CAMTA1: variants seen among roughly 807,000 people sequenced by gnomAD.
CAMTA1 encodes the protein calmodulin binding transcription activator 1.
A neutral mutation model predicts 170.9 loss-of-function variants in CAMTA1; 27 were observed. That is an observed-to-expected ratio of 0.16 (90% CI 0.12 to 0.22). The LOEUF (loss-of-function observed/expected upper bound fraction) is 0.22, where lower values mean the gene tolerates loss of function less well. Among genes scored for constraint, CAMTA1 ranks in the 10% least tolerant of loss-of-function variants. CAMTA1 has a pLI of 1.00. For missense variants in CAMTA1, 1,619 were observed against 2,217.2 expected, an observed-to-expected ratio of 0.73 and a Z score of 5.42; for synonymous variants, 833 against 891.5, an observed-to-expected ratio of 0.93 and a Z score of 1.17.
At chr1:6,825,719 A>T (rs1343135321) in intron 3 of CAMTA1, among the ~76,000 whole-genome samples, 1 of 152,244 alleles carries the variant, frequency 6.6e-6, no homozygotes, top group East Asian at 1.9e-4. Context: ...AAGGCTGTAC[A>T]GTAGATTATG....
intron 4 of CAMTA1, among the ~76,000 whole-genome samples, chr1:7,158,986 G>A (rs553585752): frequency 1.3e-5 from 2 of 152,026 alleles, no homozygotes; most frequent in South Asian, 4.2e-4. Flanking sequence ...GTGGGGTAAT[G>A]GGTCTTCTTT....
chr1:6,964,464 T>A (rs1691167183), intron 3 of CAMTA1, among the ~76,000 whole-genome samples: 1 of 152,132 alleles, frequency 6.6e-6, no homozygotes, highest in South Asian at 2.1e-4. Flanking sequence ...TGTGCCTAGG[T>A]CCCACCTTTT....
chr1:7,044,705 G>A lies in CAMTA1; in HGVS notation c.235-46599G>A, dbSNP rs749185322. 3.5e-5 allele frequency among the ~76,000 whole-genome samples: 4 copies of A among 113,272 alleles called. No homozygotes were observed. The highest frequency in any genetic ancestry group is 5.3e-5 in the Non-Finnish European group (3 of 56,826). The allele number at this position is 113,272 out of a possible 152,430, so 74.3% of individuals were successfully genotyped here. A position where few individuals can be genotyped will look rare whatever the true frequency, so the allele number is the denominator to read the frequency against. ...CTCCCCTCTCTGGGCGACCTTCCGA[G>A]GAGGCATCAGCTCTTCCCTTGCTTT... is the stretch of plus-strand genomic sequence containing the variant. On this transcript the variant is annotated intron_variant, in intron 3 of 22. Transcript: ENST00000303635. This position sits in a 1 kb window ranked among gnomAD's most constrained non-coding sequence, Gnocchi z 5.0.
At chr1:6,808,783 C>A (rs1432087836) in intron 1 of CAMTA1, among the ~76,000 whole-genome samples, 5 of 152,102 alleles carry the variant, frequency 3.3e-5, no homozygotes, top group Non-Finnish European at 7.4e-5. Context: ...GGGAGAAAAT[C>A]ACTTCTGGCA....
chr1:7,484,818 T>G (rs988083879), intron 6 of CAMTA1, among the ~76,000 whole-genome samples: 1 of 151,504 alleles, frequency 6.6e-6, no homozygotes, highest in African/African-American at 2.4e-5. Context: ...GCTGTTGTCA[T>G]GACCGTTGTG....
At chr1:6,924,355 G>C (rs1335910159) in intron 3 of CAMTA1, among the ~76,000 whole-genome samples, 1 of 152,046 alleles carries the variant, frequency 6.6e-6, no homozygotes, top group African/African-American at 2.4e-5. Context: ...AGCTGGGAGG[G>C]GGTCAGGCCA....
At chr1:7,125,255 A>G (rs9434848) in intron 4 of CAMTA1, among the ~76,000 whole-genome samples, 36,863 of 151,972 alleles carry the variant, frequency 0.24, 4,557 homozygotes, top group South Asian at 0.28. Context: ...GGGGGACACT[A>G]GAAGTTCAAA....
chr1:6,999,716 A>G (rs1372482823), intron 3 of CAMTA1, among the ~76,000 whole-genome samples: 1 of 151,600 alleles, frequency 6.6e-6, no homozygotes, highest in Non-Finnish European at 1.5e-5. Context: ...ATGTTTGGTT[A>G]TTTTTCCCTG....
At chr1:7,745,739 C>T (rs1275518793) in intron 17 of CAMTA1, 106 bp from the exon 18 acceptor site, 28 of 1,386,698 alleles carry the variant, frequency 2.0e-5, no homozygotes, top group Non-Finnish European at 2.8e-5. Context: ...TTCCTAATTG[C>T]CCACAGTGGC....
At chr1:7,180,358 CAA>C (rs35903883) in intron 4 of CAMTA1, among the ~76,000 whole-genome samples, 35 of 142,954 alleles carry the variant, frequency 2.4e-4, no homozygotes, top group South Asian at 4.4e-4. Flanking sequence ...AACTACATCT[CAA>C]AAAAAAAAAA....
chr1:7,511,594 C>T (rs1459435656), intron 6 of CAMTA1, among the ~76,000 whole-genome samples: 1 of 152,112 alleles, frequency 6.6e-6, no homozygotes, highest in Admixed American at 6.5e-5. Flanking sequence ...TTCCCCACAT[C>T]CCGGGGTCCA....
intron 6 of CAMTA1, among the ~76,000 whole-genome samples, chr1:7,474,409 G>C (rs1238580800): frequency 6.7e-6 from 1 of 148,604 alleles, no homozygotes; most frequent in East Asian, 2.0e-4. Flanking sequence ...ATGGAATACA[G>C]AGGCTGTTGG....
chr1:7,140,972 G>A (rs184351250), intron 4 of CAMTA1, among the ~76,000 whole-genome samples: 2 of 152,226 alleles, frequency 1.3e-5, no homozygotes, highest in East Asian at 3.9e-4. Context: ...CTTCCTTTCT[G>A]TCTACCGACA....
Position 7,583,820 on chromosome 1 carries a change from TAGA to T in CAMTA1, c.511-56577_511-56575del, listed in dbSNP as rs561186136. Among the ~76,000 whole-genome samples the T allele has an allele frequency of 2.3e-4, 35 of 152,250 alleles. No homozygotes were observed. The East Asian group carries it at 6.8e-3, about 29-fold the overall frequency. On this transcript the variant is annotated intron_variant, in intron 6 of 22. Coordinates refer to ENST00000303635, the MANE Select transcript of CAMTA1 (RefSeq NM_015215.4). ...CACGGTGAGTGGGTGTCCAGCCACT[TAGA>T]AGGTGCCGTCTCCCGGGAGGTAGAC...
At chr1:6,988,519 C>G (rs1171683615) in intron 3 of CAMTA1, among the ~76,000 whole-genome samples, 1 of 152,078 alleles carries the variant, frequency 6.6e-6, no homozygotes, top group Non-Finnish European at 1.5e-5. Flanking sequence ...AACTACAAGT[C>G]CCTGAATGGA....
At chr1:7,264,744 G>C (rs546315861) in intron 5 of CAMTA1, among the ~76,000 whole-genome samples, 98 of 152,172 alleles carry the variant, frequency 6.4e-4, no homozygotes, top group Admixed American at 9.8e-4. Flanking sequence ...CAATATTTTG[G>C]CTTATGGATC....
intron 4 of CAMTA1, among the ~76,000 whole-genome samples, chr1:7,231,531 C>G (rs905826784): frequency 2.0e-5 from 3 of 152,104 alleles, no homozygotes; most frequent in South Asian, 2.1e-4. Context: ...AACCACCATG[C>G]CTGGCTAATT....
In CAMTA1 at chr1:7,144,938, A is replaced by G. The variant is rs1646097931; in HGVS notation, c.302+53567A>G. On this transcript the variant is annotated intron_variant, in intron 4 of 22. Transcript: ENST00000303635. The surrounding 1 kb of genome is among the most constrained non-coding windows in gnomAD (Gnocchi z 4.0). ...TTCTTCCCATGTTACAAATGCAGAC[A>G]GGAAGGCCGAGTAACCTCTCAAGCT... 6.6e-6 allele frequency among the ~76,000 whole-genome samples: 1 copy of G among 152,286 alleles called. No individual in the cohort carries two copies. Among genetic ancestry groups the G allele is most frequent in the Non-Finnish European group, 1.5e-5 (1 of 68,050 alleles).
At chr1:7,045,113 T>A (rs1310468862) in intron 3 of CAMTA1, among the ~76,000 whole-genome samples, 2 of 152,142 alleles carry the variant, frequency 1.3e-5, no homozygotes, top group Admixed American at 1.3e-4. Flanking sequence ...TAATGTTTTA[T>A]GTGCTTCTCT....
Sources: allele counts gnomAD v4.1 joint callset (sites outside exome capture counted in the v4.1 genomes callset), GRCh38; gene constraint gnomAD v4.1.1; non-coding constraint Gnocchi (gnomAD v3.1); transcripts MANE v1.5; gene names NCBI Gene and HGNC (gene_info 2026-07-23, HGNC 2026-07-21).